EXD2: variants seen among roughly 807,000 people sequenced by gnomAD.
EXD2 encodes exonuclease 3'-5' domain containing 2.
In EXD2, 40 loss-of-function variants were observed where a neutral mutation model predicts 62.5. The observed-to-expected ratio is 0.64, with a 90% CI of 0.50 to 0.83. EXD2 has a LOEUF of 0.83. Ranked by LOEUF, EXD2 falls within the 40% of genes least tolerant of loss-of-function variation. The pLI, the probability that EXD2 is intolerant of heterozygous loss-of-function variation, is 0.00. For missense variants in EXD2, 671 were observed against 761.8 expected, an observed-to-expected ratio of 0.88 and a Z score of 1.40; for synonymous variants, 239 against 291.9, an observed-to-expected ratio of 0.82 and a Z score of 1.85.
At chr14:69,206,469 T>C (rs1208454112) in intron 2 of EXD2, among the ~76,000 whole-genome samples, 1,748 of 127,622 alleles carry the variant, frequency 0.014, 257 homozygotes, top group African/African-American at 0.054. Flanking sequence ...TTTTTTTTTT[T>C]TTTTTTTTTT....
intron 5 of EXD2, among the ~76,000 whole-genome samples, chr14:69,231,309 T>C (rs2043569817): frequency 6.6e-6 from 1 of 152,208 alleles, no homozygotes; most frequent in African/African-American, 2.4e-5. Flanking sequence ...ATCATTATAC[T>C]TCTAAATTAC....
chr14:69,225,639 T>A (rs1230715379), intron 3 of EXD2, among the ~76,000 whole-genome samples: 1 of 152,154 alleles, frequency 6.6e-6, no homozygotes, highest in Non-Finnish European at 1.5e-5. Context: ...AGACCACTGG[T>A]TTAAATAATG....
rs773774783 is a variant in EXD2, at chr14:69,240,907, C to A, written c.1673C>A (p.Pro558His). ...ETRISNENYV[P>H]HGLKVVQCHS... Reference sequence around the variant, plus strand: ...AGAATCTCCAATGAAAACTATGTTCCTCACGGGCTGAAGGTGGTGCAGTGT... The same window carrying A: ...AGAATCTCCAATGAAAACTATGTTCATCACGGGCTGAAGGTGGTGCAGTGT... Residue 558 changes from proline (P) to histidine (H), a missense_variant, in exon 10 of 10, where the codon CCT (proline) becomes CAT (histidine). Coordinates refer to ENST00000685843, the MANE Select transcript of EXD2 (RefSeq NM_001193360.2). The A allele has an allele frequency of 6.2e-7, 1 of 1,613,608 alleles. No homozygotes were observed. Among genetic ancestry groups the A allele is most frequent in the Non-Finnish European group, 8.5e-7 (1 of 1,179,858 alleles).
chr14:69,217,794 G>GT (rs1414399321), intron 3 of EXD2, among the ~76,000 whole-genome samples: 4 of 151,972 alleles, frequency 2.6e-5, no homozygotes, highest in Non-Finnish European at 5.9e-5. Flanking sequence ...GCGGTGTTTG[G>GT]TTTTTTGTCC....
chr14:69,206,470 T>C (rs1253891318), intron 2 of EXD2, among the ~76,000 whole-genome samples: 2 of 129,736 alleles, frequency 1.5e-5, no homozygotes, highest in African/African-American at 6.5e-5. Flanking sequence ...TTTTTTTTTT[T>C]TTTTTTTTTT....
At chr14:69,215,298 A>ATGTGTG (rs61469385) in intron 3 of EXD2, among the ~76,000 whole-genome samples, 7,573 of 102,100 alleles carry the variant, frequency 0.074, 588 homozygotes, top group African/African-American at 0.18. Flanking sequence ...TCAAAAATAT[A>ATGTGTG]TGTGTGTGTG....
intron 4 of EXD2, 27 bp from the exon 5 acceptor site, chr14:69,230,445 A>G: frequency 1.3e-6 from 2 of 1,542,786 alleles, no homozygotes; most frequent in Non-Finnish European, 8.8e-7. Flanking sequence ...CCCGTTTTTG[A>G]TGCATGGTTT....
At chr14:69,194,993 C>T (rs184681103) in intron 1 of EXD2, among the ~76,000 whole-genome samples, 4 of 152,118 alleles carry the variant, frequency 2.6e-5, no homozygotes, top group Non-Finnish European at 5.9e-5. Context: ...TTGAGACGGG[C>T]GGATCACCAG....
chr14:69,241,249 T>C lies in EXD2; in HGVS notation c.*149T>C, dbSNP rs771919312. On this transcript the variant is annotated 3_prime_UTR_variant, in exon 10 of 10. Transcript: ENST00000685843. Reference sequence around the variant, plus strand: ...TAGACTAATCCCAGGATGCTTCTGCTGGAGCAAAGATATTGTTTGAAGGAG... The same window carrying C: ...TAGACTAATCCCAGGATGCTTCTGCCGGAGCAAAGATATTGTTTGAAGGAG... 1.9e-5 allele frequency: 12 copies of C among 647,174 alleles called. No individual in the cohort carries two copies. The highest frequency in any genetic ancestry group is 2.6e-5 in the Non-Finnish European group (10 of 384,268). The allele number at this position is 647,174 out of a possible 1,614,324, so 40.1% of individuals were successfully genotyped here.
chr14:69,213,805 A>C (rs994222845), intron 3 of EXD2: 1 of 151,974 alleles, frequency 6.6e-6, no homozygotes, highest in Non-Finnish European at 1.5e-5. Context: ...CTGGGAGTAC[A>C]GGTGTGTGCC....
chr14:69,230,413 A>T (rs1161107914), intron 4 of EXD2, 59 bp from the exon 5 acceptor site: 23 of 1,234,094 alleles, frequency 1.9e-5, no homozygotes, highest in Admixed American at 1.8e-4. Flanking sequence ...GTCTTTTTTG[A>T]TTTTCTTGTC....
At position 69,242,656 on chromosome 14, in the gene EXD2, G is replaced by A. The variant is rs3173; in HGVS notation, c.*1556G>A. 0.42 allele frequency: 63,630 copies of A among 152,084 alleles called. 16,623 individuals are homozygous for A. The highest frequency in any genetic ancestry group is 0.74 in the African/African-American group (30,697 of 41,482). The allele number at this position is 152,084 out of a possible 1,614,324, so 9.4% of individuals were successfully genotyped here. A position where few individuals can be genotyped will look rare whatever the true frequency, so the allele number is the denominator to read the frequency against. ...CCACTTTGAGGAATGTGCATTCACT[G>A]TAGTGGGTTATTATGGGGTCTCTGC... On this transcript the variant is annotated 3_prime_UTR_variant, in exon 10 of 10. Transcript: ENST00000685843.
chr14:69,197,552 C>T (rs1036836714), intron 1 of EXD2, among the ~76,000 whole-genome samples: 5 of 151,842 alleles, frequency 3.3e-5, no homozygotes, highest in African/African-American at 9.7e-5. Flanking sequence ...GGGTATAGGT[C>T]GTTTTTCAGC....
intron 2 of EXD2, among the ~76,000 whole-genome samples, chr14:69,206,790 A>G (rs1594738189): frequency 6.6e-6 from 1 of 151,924 alleles, no homozygotes; most frequent in East Asian, 1.9e-4. Context: ...CCTTCCACCC[A>G]CTTGGGGTTT....
intron 3 of EXD2, among the ~76,000 whole-genome samples, chr14:69,225,908 A>G (rs1160688809): frequency 6.6e-6 from 1 of 152,224 alleles, no homozygotes; most frequent in Non-Finnish European, 1.5e-5. Flanking sequence ...AACTTTGATT[A>G]TAGTATATTG....
chr14:69,230,457 C>G lies in EXD2; in HGVS notation c.591-15C>G, dbSNP rs573646815. On this transcript the variant is annotated splice_polypyrimidine_tract_variant and intron_variant, in intron 4 of 9. Transcript: ENST00000685843. ...TTGCCCGTTTTTGATGCATGGTTTT[C>G]TTTGTTTCTTTTAGAAACAATTTGC... 6.4e-7 allele frequency: 1 copy of G among 1,573,428 alleles called. No individual in the cohort carries two copies. The highest frequency in any genetic ancestry group is 1.4e-5 in the African/African-American group (1 of 73,312).
chr14:69,195,593 C>T (rs557561761), intron 1 of EXD2, among the ~76,000 whole-genome samples: 1 of 152,088 alleles, frequency 6.6e-6, no homozygotes, highest in African/African-American at 2.4e-5. Flanking sequence ...TTCATAGAGT[C>T]GTGCAAACAT....
intron 4 of EXD2, 119 bp downstream of exon 4, chr14:69,229,191 T>C: frequency 3.1e-6 from 4 of 1,271,748 alleles, no homozygotes; most frequent in South Asian, 1.6e-5. Context: ...CCTAGAGGCT[T>C]CTAAGATGCA....
chr14:69,204,415 C>A (rs1179596775), intron 2 of EXD2, among the ~76,000 whole-genome samples: 3 of 151,926 alleles, frequency 2.0e-5, no homozygotes, highest in East Asian at 1.9e-4. Flanking sequence ...TACAAGAAAT[C>A]AAAAAATGTG....
Sources: gnomAD v4.1 joint callset for allele counts (sites outside exome capture counted in the v4.1 genomes callset) on GRCh38, gnomAD v4.1.1 for gene constraint, MANE v1.5 for transcripts, NCBI Gene and HGNC (gene_info 2026-07-23, HGNC 2026-07-21) for gene names.